The following EBF1 variants were observed in gnomAD, a reference collection of about 807,000 sequenced individuals.
The protein encoded by EBF1 is transcription factor COE1.
In EBF1, 10 loss-of-function variants were observed where a neutral mutation model predicts 68.4. That is an observed-to-expected ratio of 0.15 (90% confidence interval 0.09 to 0.25). The LOEUF (loss-of-function observed/expected upper bound fraction) is 0.25, where lower values mean the gene tolerates loss of function less well. Ranked by LOEUF, EBF1 falls within the 10% of genes least tolerant of loss-of-function variation. The pLI, the probability that EBF1 is intolerant of heterozygous loss-of-function variation, is 1.00. For synonymous variants in EBF1, 298 were observed against 299.8 expected, an observed-to-expected ratio of 0.99 and a Z score of 0.06; for missense variants, 509 against 794.4, an observed-to-expected ratio of 0.64 and a Z score of 4.32.
intron 6 of EBF1, among the ~76,000 whole-genome samples, chr5:158,905,496 CAG>C (rs1804381490): frequency 6.6e-6 from 1 of 152,120 alleles, no homozygotes; most frequent in Non-Finnish European, 1.5e-5. Flanking sequence ...CTTTCCTTGG[CAG>C]AGTCTTTTAT....
chr5:158,778,898 C>A (rs998750468), intron 9 of EBF1, among the ~76,000 whole-genome samples: 7 of 152,102 alleles, frequency 4.6e-5, no homozygotes, highest in African/African-American at 1.4e-4. Flanking sequence ...TAAATGGCTC[C>A]AGGTTTCTAA....
intron 10 of EBF1, among the ~76,000 whole-genome samples, chr5:158,743,846 A>G (rs1276805284): frequency 3.3e-5 from 5 of 152,178 alleles, no homozygotes; most frequent in Non-Finnish European, 7.4e-5. Context: ...AGATCTAGGT[A>G]AAAATATTTA....
chr5:159,059,092 G>A (rs1267793537), intron 6 of EBF1, among the ~76,000 whole-genome samples: 1 of 152,134 alleles, frequency 6.6e-6, no homozygotes, highest in Non-Finnish European at 1.5e-5. Flanking sequence ...GTAGCCCAAC[G>A]GGTGTCCGTA....
chr5:158,706,755 T>C (rs915680444), intron 15 of EBF1, among the ~76,000 whole-genome samples: 1 of 152,192 alleles, frequency 6.6e-6, no homozygotes, highest in Non-Finnish European at 1.5e-5. Flanking sequence ...GGGGCTTACA[T>C]TCATCTCCAC....
chr5:158,905,908 AG>A (rs760154275), intron 6 of EBF1, among the ~76,000 whole-genome samples: 38 of 152,306 alleles, frequency 2.5e-4, no homozygotes, highest in African/African-American at 8.4e-4. Context: ...GGAATGGAGG[AG>A]GGAGCAAAAT....
chr5:158,903,468 A>T (rs1364889753), intron 6 of EBF1, among the ~76,000 whole-genome samples: 1 of 152,110 alleles, frequency 6.6e-6, no homozygotes, highest in Admixed American at 6.5e-5. Flanking sequence ...ATTAGGGGTT[A>T]CAGAAGGCAC....
intron 12 of EBF1, 72 bp from the exon 13 acceptor site, chr5:158,713,219 C>T: frequency 7.9e-7 from 1 of 1,260,964 alleles, no homozygotes; most frequent in Non-Finnish European, 1.0e-6. Flanking sequence ...TTTTCGGTGC[C>T]AGGTACCGTG....
intron 7 of EBF1, among the ~76,000 whole-genome samples, chr5:158,833,364 A>C (rs1014130049): frequency 6.6e-6 from 1 of 152,084 alleles, no homozygotes; most frequent in South Asian, 2.1e-4. Context: ...TCTCTCTCAT[A>C]ATAACCTGTT....
chr5:158,748,588 C>T (rs924028624), intron 10 of EBF1, among the ~76,000 whole-genome samples: 11 of 152,096 alleles, frequency 7.2e-5, no homozygotes, highest in African/African-American at 2.7e-4. Flanking sequence ...ATTCTCAGGG[C>T]TGTGCTTAGA....
chr5:158,710,985 A>C (rs1759119914), intron 14 of EBF1, among the ~76,000 whole-genome samples: 1 of 152,236 alleles, frequency 6.6e-6, no homozygotes, highest in South Asian at 2.1e-4. Context: ...CATTTTATAG[A>C]TAAGGAGGCC....
intron 5 of EBF1, among the ~76,000 whole-genome samples, chr5:159,079,370 CCTT>C (rs1339320302): frequency 2.6e-5 from 4 of 152,144 alleles, no homozygotes; most frequent in African/African-American, 4.8e-5. Flanking sequence ...AAAGGATGCT[CCTT>C]CTTTTCTCTG....
chr5:158,785,273 A>T (rs1474525902), intron 9 of EBF1, among the ~76,000 whole-genome samples: 1 of 152,222 alleles, frequency 6.6e-6, no homozygotes, highest in East Asian at 1.9e-4. Context: ...CACTACTCTG[A>T]AACATGCATC....
At chr5:158,719,275 A>G (rs1351927254) in intron 11 of EBF1, among the ~76,000 whole-genome samples, 2 of 152,300 alleles carry the variant, frequency 1.3e-5, no homozygotes, top group Admixed American at 6.5e-5. Flanking sequence ...AATACAATGA[A>G]TCATGTCTAG....
At chr5:159,020,701 T>C (rs1318876093) in intron 6 of EBF1, among the ~76,000 whole-genome samples, 1 of 152,194 alleles carries the variant, frequency 6.6e-6, no homozygotes, top group African/African-American at 2.4e-5. Flanking sequence ...TGCCTATTCT[T>C]CCCAGCTGGA....
At chr5:158,934,607 G>C (rs1811579430) in intron 6 of EBF1, among the ~76,000 whole-genome samples, 1 of 152,210 alleles carries the variant, frequency 6.6e-6, no homozygotes, top group African/African-American at 2.4e-5. Flanking sequence ...TTTGGAAAGA[G>C]TACAGAGTCT....
chr5:158,893,298 T>C (rs975788399), intron 6 of EBF1, among the ~76,000 whole-genome samples: 1 of 152,242 alleles, frequency 6.6e-6, no homozygotes, highest in Admixed American at 6.5e-5. Flanking sequence ...TAGTCTTGCA[T>C]GGCTGGGATT....
intron 6 of EBF1, among the ~76,000 whole-genome samples, chr5:158,937,944 C>A (rs1812422551): frequency 6.6e-6 from 1 of 152,182 alleles, no homozygotes; most frequent in Admixed American, 6.5e-5. Flanking sequence ...ACTTCAAGAG[C>A]TCCTCCATGG....
chr5:158,710,824 T>A (rs193235557), intron 14 of EBF1, among the ~76,000 whole-genome samples: 26 of 152,216 alleles, frequency 1.7e-4, no homozygotes, highest in African/African-American at 6.0e-4. Context: ...AAATCATGAA[T>A]ATTCTTTAAT....
At chr5:158,912,173 TTCCTCATGGA>T (rs1315542403) in intron 6 of EBF1, among the ~76,000 whole-genome samples, 1 of 152,204 alleles carries the variant, frequency 6.6e-6, no homozygotes, top group Non-Finnish European at 1.5e-5. Flanking sequence ...GTAAGGGCCC[TTCCTCATGGA>T]TCCTCCTGGT....
Sources: gnomAD v4.1 joint callset for allele counts (sites outside exome capture counted in the v4.1 genomes callset) on GRCh38, gnomAD v4.1.1 for gene constraint, MANE v1.5 for transcripts, NCBI Gene and HGNC (gene_info 2026-07-23, HGNC 2026-07-21) for gene names.